Variants in DONSON observed in about 807,000 individuals in gnomAD.
The protein encoded by DONSON is DNA replication fork stabilization factor DONSON.
Under a neutral mutation model 62.1 loss-of-function variants are expected in DONSON, and 43 were observed. The ratio of observed to expected loss-of-function variants is 0.69; its 90% CI spans 0.54 to 0.89. DONSON has a LOEUF of 0.89. Ranked by LOEUF, DONSON falls within the 40% of genes least tolerant of loss-of-function variation. The pLI, the probability that DONSON is intolerant of heterozygous loss-of-function variation, is 0.00. For synonymous variants in DONSON, 266 were observed against 264.6 expected (o/e 1.01, Z -0.05); for missense variants, 696 against 697.5 (o/e 1.00, Z 0.03).
At position 33,581,407 on chromosome 21, in the gene DONSON, C is replaced by A. The variant is rs776211862; in HGVS notation, c.1245G>T (p.Leu415Phe). 2.9e-5 allele frequency: 46 copies of A among 1,614,028 alleles called. No homozygotes were observed. Among genetic ancestry groups the A allele is most frequent in the East Asian group, 4.5e-5 (2 of 44,874 alleles). ...TAGCAACTAAACTCTTAGAGTTAAT[C>A]AAAAAATTGAGCAATGTAAAGGTGT... ...GINTFTLLNF[L>F]INSKSLVATS... Residue 415 changes from leucine (L) to phenylalanine (F), a missense_variant, in exon 8 of 10, where the codon TTG becomes TTT. Leu to Phe is a conservative substitution (Grantham distance 22). Coordinates refer to ENST00000303071, the MANE Select transcript of DONSON (RefSeq NM_017613.4).
intron 1 of DONSON, among the ~76,000 whole-genome samples, chr21:33,588,115 G>C (rs981673369): frequency 2.6e-5 from 4 of 152,146 alleles, no homozygotes; most frequent in Non-Finnish European, 5.9e-5. Flanking sequence ...AGCCCGCAGC[G>C]GGGTAGCCAG....
At position 33,588,430 on chromosome 21, in the gene DONSON, C is replaced by T. The variant is rs1229814550; in HGVS notation, c.212G>A (p.Gly71Asp). 63 of 1,308,846 alleles carry T rather than the reference C, an allele frequency of 4.8e-5. 1 individual carries two copies. The East Asian group carries it at 1.9e-3, about 40-fold the overall frequency. The allele number at this position is 1,308,846 out of a possible 1,614,324, so 81.1% of individuals were successfully genotyped here. A position where few individuals can be genotyped will look rare whatever the true frequency, so the allele number is the denominator to read the frequency against. The change falls in exon 1 of 10, where the codon GGC (glycine) becomes GAC (aspartate). Residue 71 changes from glycine (G) to aspartate (D), a missense_variant. Gly to Asp is a moderately conservative substitution (Grantham distance 94). Coordinates refer to ENST00000303071, the MANE Select transcript of DONSON (RefSeq NM_017613.4). Reference protein sequence around the residue: ...AGGRGGGSGGGPAAARRNPFA... With the variant: ...AGGRGGGSGGDPAAARRNPFA... ...GGGGTTCCTCCGAGCAGCGGCCGGG[C>T]CGCCGCCGCTGCCACCGCCTCTGCC...
intron 9 of DONSON, 78 bp from the exon 10 acceptor site, chr21:33,578,522 A>C (rs1233094394): frequency 7.1e-7 from 1 of 1,400,410 alleles, no homozygotes; most frequent in Non-Finnish European, 9.6e-7. Flanking sequence ...TACTATGGAG[A>C]CTGACAAATA....
intron 9 of DONSON, among the ~76,000 whole-genome samples, chr21:33,579,016 T>G (rs1175142712): frequency 3.3e-5 from 5 of 152,082 alleles, no homozygotes; most frequent in African/African-American, 9.6e-5. Flanking sequence ...CACATGCCTG[T>G]AATCTCAGCT....
Position 33,583,532 on chromosome 21 carries a change from A to G in DONSON, c.920T>C (p.Ile307Thr). The G allele has an allele frequency of 2.5e-6, 4 of 1,614,034 alleles. No homozygotes were observed. Among genetic ancestry groups the G allele is most frequent in the Non-Finnish European group, 8.5e-7 (1 of 1,179,976 alleles). Residue 307 changes from isoleucine (I) to threonine (T), a missense_variant, in exon 5 of 10, where the codon ATA (isoleucine) becomes ACA (threonine). Coordinates refer to ENST00000303071, the MANE Select transcript of DONSON (RefSeq NM_017613.4). ...LAGSDLITAL[I>T]SPTTRGLREA... ...TCTTAAACCTCGAGTTGTTGGAGATATGAGAGCTGTGATTAAGTCACTTCC... is the reference window on the plus strand; with the variant it reads ...TCTTAAACCTCGAGTTGTTGGAGATGTGAGAGCTGTGATTAAGTCACTTCC...
Position 33,588,633 on chromosome 21 carries a change from A to C in DONSON, c.9T>G (p.Leu3=). The C allele has an allele frequency of 8.1e-7, 1 of 1,238,992 alleles. No homozygotes were observed. The highest frequency in any genetic ancestry group is 1.0e-6 in the Non-Finnish European group (1 of 990,770). The allele number at this position is 1,238,992 out of a possible 1,614,324, so 76.7% of individuals were successfully genotyped here. A position where few individuals can be genotyped will look rare whatever the true frequency, so the allele number is the denominator to read the frequency against. The change falls in exon 1 of 10, where the codon CTT becomes CTG. Residue 3 remains leucine (L), a synonymous_variant. Transcript: ENST00000303071. MA[L]SVPGYSPGFR... is the part of the protein sequence containing the mutation. Reference sequence around the variant, plus strand: ...AGCCCGGTGAGTAGCCGGGCACCGAAAGGGCCATGACGCGCGGCGGCTGAG... The same window carrying C: ...AGCCCGGTGAGTAGCCGGGCACCGACAGGGCCATGACGCGCGGCGGCTGAG...
intron 9 of DONSON, among the ~76,000 whole-genome samples, chr21:33,579,148 A>G (rs183275060): frequency 2.6e-4 from 40 of 152,290 alleles, no homozygotes; most frequent in Non-Finnish European, 4.4e-5. Flanking sequence ...AAAAAAAAAA[A>G]AAATTGTACT....
rs576929966 is a variant in DONSON, at chr21:33,588,236, G to A, written c.321+85C>T. 11 of 1,079,156 alleles carry A rather than the reference G, an allele frequency of 1.0e-5. 1 individual carries two copies. The East Asian group carries it at 3.3e-4, about 33-fold the overall frequency. The allele number at this position is 1,079,156 out of a possible 1,614,324, so 66.8% of individuals were successfully genotyped here. On this transcript the variant is annotated intron_variant, in intron 1 of 9. Coordinates refer to ENST00000303071, the MANE Select transcript of DONSON (RefSeq NM_017613.4). ...TCGCGCCCATTTCCTTGCCTCGAAC[G>A]CGAGGACTTTCCATCCCCCATTCAC...
In DONSON at chr21:33,578,407, T is replaced by G. The variant is rs1161809165; in HGVS notation, c.1601A>C (p.His534Pro). The G allele has an allele frequency of 6.2e-7, 1 of 1,613,790 alleles. No homozygotes were observed. The highest frequency in any genetic ancestry group is 1.7e-5 in the Admixed American group (1 of 60,008). Residue 534 changes from histidine to proline, a missense_variant, in exon 10 of 10, where the codon CAC becomes CCC. Physicochemically the swap from His to Pro is moderately conservative, Grantham distance 77. Coordinates refer to ENST00000303071, the MANE Select transcript of DONSON (RefSeq NM_017613.4). The stretch of plus-strand genomic sequence containing the variant: ...ACTAAGTTGCTCCAGAGTGTTAGGG[T>G]GCAAACCACAGTTAGTAAGCTCCTT... ...VHKELTNCGL[H>P]PNTLEQLSQI...
chr21:33,585,884 A>T, intron 3 of DONSON, 94 bp downstream of exon 3: 1 of 1,217,818 alleles, frequency 8.2e-7, no homozygotes, highest in Non-Finnish European at 1.2e-6. Flanking sequence ...CCAAAGAAAA[A>T]CTTAATGGAA....
intron 1 of DONSON, among the ~76,000 whole-genome samples, chr21:33,587,958 C>A (rs1429810907): frequency 6.6e-6 from 1 of 152,220 alleles, no homozygotes; most frequent in African/African-American, 2.4e-5. Context: ...GGCTTGTCAC[C>A]TGCCCCATCG....
At chr21:33,578,843 T>G (rs1244607898) in intron 9 of DONSON, among the ~76,000 whole-genome samples, 2 of 152,184 alleles carry the variant, frequency 1.3e-5, no homozygotes, top group Non-Finnish European at 2.9e-5. Context: ...CTGTTAAAAC[T>G]ATTTGGACTG....
In DONSON at chr21:33,586,089, G is replaced by GA. The variant is rs2086574128; in HGVS notation, c.494dup (p.Thr166HisfsTer26). 6.2e-7 allele frequency: 1 copy of GA among 1,614,208 alleles called. No individual in the cohort carries two copies. ...CCCAGGTAAAGGGTTGAGAAGAGGT[G>GA]AAAAGGAGTCGCGTTTTAATACTCC... On this transcript the variant is annotated frameshift_variant, in exon 3 of 10. Transcript: ENST00000303071. LOFTEE classifies it high-confidence loss of function.
intron 8 of DONSON, among the ~76,000 whole-genome samples, chr21:33,580,352 G>A (rs374805286): frequency 4.3e-4 from 62 of 142,712 alleles, no homozygotes; most frequent in African/African-American, 1.5e-3. Context: ...TCAGGAGTTC[G>A]AGACCACCCT....
Position 33,579,503 on chromosome 21 carries a change from C to T in DONSON, c.1410G>A (p.Leu470=), listed in dbSNP as rs1459022907. 2 of 1,614,192 alleles carry T rather than the reference C, an allele frequency of 1.2e-6. No homozygotes were observed. Among genetic ancestry groups the T allele is most frequent in the South Asian group, 2.2e-5 (2 of 91,084 alleles). ...ALSGYRDQFS[L]EITGPIMPHS... ...GAGGCATGATAGGACCTGTAATCTCCAAACTAAATTGGTCTCTGTATCCAG... is the reference window on the plus strand; with the variant it reads ...GAGGCATGATAGGACCTGTAATCTCTAAACTAAATTGGTCTCTGTATCCAG... Residue 470 remains leucine, a synonymous_variant, in exon 9 of 10, where the codon TTG becomes TTA. Coordinates refer to ENST00000303071, the MANE Select transcript of DONSON (RefSeq NM_017613.4).
rs768818442 is a variant in DONSON, at chr21:33,579,372, T to C, written c.1541A>G (p.Gln514Arg). The C allele has an allele frequency of 9.3e-6, 15 of 1,606,396 alleles. No homozygotes were observed. The highest frequency in any genetic ancestry group is 1.3e-5 in the Non-Finnish European group (15 of 1,174,314). Residue 514 changes from glutamine to arginine, a missense_variant, in exon 9 of 10, where the codon CAA (glutamine) becomes CGA (arginine). Gln to Arg is a conservative substitution (Grantham distance 43). Transcript: ENST00000303071. ...TACCATATCAAGTACTTTGTCCATT[T>C]GCAGGCAGATGTTAAATACAGCAGT... ...EPTAVFNICL[Q>R]MDKVLDMEVV... is the part of the protein sequence containing the mutation.
chr21:33,578,025 T>C lies in DONSON; in HGVS notation c.*282A>G, dbSNP rs113014293. ...TCACAATGCCATGGGGTAACTGCTA[T>C]GTGATTTCCCATTTGCAAGGAAGCA... On this transcript the variant is annotated 3_prime_UTR_variant, in exon 10 of 10. Transcript: ENST00000303071. 918 of 248,456 alleles carry C rather than the reference T, an allele frequency of 3.7e-3. 13 individuals carry two copies. Among genetic ancestry groups the C allele is most frequent in the African/African-American group, 0.019 (869 of 44,674 alleles). 15.4% of individuals were successfully genotyped at this position (248,456 alleles called of 1,614,324 possible). A position where few individuals can be genotyped will look rare whatever the true frequency, so the allele number is the denominator to read the frequency against.
rs1387446454 is a variant in DONSON at position 33,581,400 on chromosome 21, A to C, written c.1252T>G (p.Ser418Ala). ...TFTLLNFLIN[S>A]KSLVATSGPQ... ...CCTGAGGTAGCAACTAAACTCTTAG[A>C]GTTAATCAAAAAATTGAGCAATGTA... Residue 418 changes from serine (S) to alanine (A), a missense_variant, in exon 8 of 10, where the codon TCT becomes GCT. Physicochemically the swap from Ser to Ala is moderately conservative, Grantham distance 99. Transcript: ENST00000303071. 6.2e-7 allele frequency: 1 copy of C among 1,614,122 alleles called. No individual in the cohort carries two copies. The highest frequency in any genetic ancestry group is 2.2e-5 in the East Asian group (1 of 44,874).
At chr21:33,579,699 T>G in intron 8 of DONSON, 137 bp from the exon 9 acceptor site, 1 of 672,596 alleles carries the variant, frequency 1.5e-6, no homozygotes. Context: ...TCCCAAGACA[T>G]CTAAACAATG....
Sources: gnomAD v4.1 joint callset for allele counts (sites outside exome capture counted in the v4.1 genomes callset) on GRCh38, gnomAD v4.1.1 for gene constraint, MANE v1.5 for transcripts, NCBI Gene and HGNC (gene_info 2026-07-23, HGNC 2026-07-21) for gene names.